ZC3H7A: variants seen among roughly 807,000 people sequenced by gnomAD.
The protein encoded by ZC3H7A is zinc finger CCCH-type containing 7A, also known as zinc finger CCCH domain-containing protein 7A.
ZC3H7A carries 44 observed loss-of-function variants against 125.5 expected under a neutral mutation model. The ratio of observed to expected loss-of-function variants is 0.35; its 90% CI spans 0.28 to 0.45. The LOEUF (loss-of-function observed/expected upper bound fraction) is 0.45. Among genes scored for constraint, ZC3H7A ranks in the 20% least tolerant of loss-of-function variants. The pLI, the probability that ZC3H7A is intolerant of heterozygous loss-of-function variation, is 1.00. For synonymous variants in ZC3H7A, 399 were observed against 391.2 expected (o/e 1.02, Z -0.23); for missense variants, 977 against 1,170.7 (o/e 0.83, Z 2.41).
At chr16:11,759,382 T>C (rs2072498) in intron 19 of ZC3H7A, 29,195 of 152,218 alleles carry the variant, frequency 0.19, 3,399 homozygotes, top group East Asian at 0.45. Flanking sequence ...ATGCTTAGCA[T>C]CTGTCACGTT....
rs967470133 is a variant in ZC3H7A, at chr16:11,774,484, C to A, written c.655G>T (p.Val219Phe). 3 of 1,571,742 alleles carry A rather than the reference C, an allele frequency of 1.9e-6. No homozygotes were observed. The highest frequency in any genetic ancestry group is 1.8e-5 in the Admixed American group (1 of 54,388). ...GAAAAACTGGGTGCCGGTAAAGAGA[C>A]AACAGGAACTGCTTCTTGCCTTGGA... ...LTPRQEAVPV[V>F]SLPAPSFSHE... The change falls in exon 9 of 23, where the codon GTC becomes TTC. Residue 219 changes from valine to phenylalanine, a missense_variant. Around this residue, in one of 3 missense-constraint regions of ZC3H7A, gnomAD observed 342 missense variants for 311.3 expected, o/e 1.10. Coordinates refer to ENST00000355758, the MANE Select transcript of ZC3H7A (RefSeq NM_014153.4).
intron 19 of ZC3H7A, 81 bp downstream of exon 19, chr16:11,761,325 G>C (rs2052749031): frequency 7.5e-7 from 1 of 1,326,546 alleles, no homozygotes; most frequent in Non-Finnish European, 1.1e-6. Flanking sequence ...AAGGGCTTGA[G>C]TTTCAATCTG....
rs369331289 is a variant in ZC3H7A at position 11,771,021 on chromosome 16, T to C, written c.904-34A>G. 6 of 1,574,944 alleles carry C rather than the reference T, an allele frequency of 3.8e-6. No individual in the cohort carries two copies. In the Admixed American group the frequency reaches 1.1e-4, roughly 30 times the overall value. On this transcript the variant is annotated intron_variant, in intron 9 of 22. Coordinates refer to ENST00000355758, the MANE Select transcript of ZC3H7A (RefSeq NM_014153.4). ...GAAAAAAAGATGTGATTAAAATTCA[T>C]GAAGCTGTCATGGGTTTGGCTGAAC...
At chr16:11,783,491 T>G (rs2053205807) in intron 1 of ZC3H7A, among the ~76,000 whole-genome samples, 1 of 152,174 alleles carries the variant, frequency 6.6e-6, no homozygotes, top group Non-Finnish European at 1.5e-5. Context: ...GTCTTGTGAT[T>G]GCAGGACATT....
intron 1 of ZC3H7A, among the ~76,000 whole-genome samples, chr16:11,784,230 T>A (rs141638432): frequency 9.3e-4 from 141 of 152,268 alleles, no homozygotes; most frequent in African/African-American, 3.2e-3. Context: ...AAAATATGGA[T>A]AATGGTTCCA....
intron 1 of ZC3H7A, among the ~76,000 whole-genome samples, chr16:11,790,688 C>A (rs8059377): frequency 0.24 from 36,264 of 151,726 alleles, 5,629 homozygotes; most frequent in African/African-American, 0.44. Context: ...TACAGGCACA[C>A]GCCAAAACGC....
chr16:11,758,671 T>A (rs779084535), intron 19 of ZC3H7A, 132 bp from the exon 20 acceptor site: 15 of 629,888 alleles, frequency 2.4e-5, no homozygotes, highest in Admixed American at 2.2e-4. Context: ...TAAGATTAAT[T>A]TGACTCTACT....
intron 21 of ZC3H7A, among the ~76,000 whole-genome samples, chr16:11,755,946 C>T (rs1203072002): frequency 3.3e-5 from 5 of 152,020 alleles, no homozygotes; most frequent in African/African-American, 4.8e-5. Context: ...AGGCAAATCA[C>T]GAGGTCAGGA....
intron 19 of ZC3H7A, chr16:11,759,410 A>T (rs941695047): frequency 6.6e-6 from 1 of 152,230 alleles, no homozygotes; most frequent in African/African-American, 2.4e-5. Flanking sequence ...GTTTTGGCTA[A>T]AACTCGCTCA....
chr16:11,787,260 G>A (rs1253322313), intron 1 of ZC3H7A, among the ~76,000 whole-genome samples: 6 of 152,054 alleles, frequency 3.9e-5, no homozygotes, highest in African/African-American at 1.2e-4. Context: ...TGCTGACCGC[G>A]CCACTACAAC....
intron 21 of ZC3H7A, among the ~76,000 whole-genome samples, chr16:11,754,247 G>A (rs1328388193): frequency 1.4e-5 from 2 of 140,076 alleles, no homozygotes; most frequent in Admixed American, 7.4e-5. Context: ...AGCCATAACT[G>A]TGCCTCTGTA....
chr16:11,782,530 G>C, intron 1 of ZC3H7A, 142 bp from the exon 2 acceptor site: 1 of 670,076 alleles, frequency 1.5e-6, no homozygotes, highest in Non-Finnish European at 2.6e-6. Flanking sequence ...CTGGACGGCA[G>C]GGACCGTACA....
chr16:11,791,416 G>C (rs1168447664), intron 1 of ZC3H7A, among the ~76,000 whole-genome samples: 1 of 152,034 alleles, frequency 6.6e-6, no homozygotes, highest in East Asian at 1.9e-4. Flanking sequence ...CCACAAGTGG[G>C]CTTAAATAAC....
intron 1 of ZC3H7A, among the ~76,000 whole-genome samples, chr16:11,786,960 A>G (rs2053265579): frequency 6.6e-6 from 1 of 152,198 alleles, no homozygotes; most frequent in African/African-American, 2.4e-5. Context: ...GTAGAGATCA[A>G]TATTTGTTTA....
At chr16:11,776,981 TA>T (rs557374547) in intron 4 of ZC3H7A, 72 bp from the exon 5 acceptor site, 10 of 1,325,144 alleles carry the variant, frequency 7.5e-6, no homozygotes, top group Non-Finnish European at 1.0e-5. Flanking sequence ...CTTCCTGTAA[TA>T]AAAACAAATT....
chr16:11,774,157 A>G, intron 9 of ZC3H7A, 79 bp downstream of exon 9: 3 of 1,358,870 alleles, frequency 2.2e-6, no homozygotes, highest in Non-Finnish European at 2.9e-6. Flanking sequence ...CAATACTGAA[A>G]AAGTCTATCA....
At chr16:11,771,976 C>T (rs1038098205) in intron 9 of ZC3H7A, among the ~76,000 whole-genome samples, 1 of 151,844 alleles carries the variant, frequency 6.6e-6, no homozygotes, top group Admixed American at 6.6e-5. Flanking sequence ...GGGTGGATCA[C>T]GAGGTCAGGT....
chr16:11,774,195 ACT>A (rs761803954), intron 9 of ZC3H7A, 39 bp downstream of exon 9: 6 of 1,464,770 alleles, frequency 4.1e-6, no homozygotes, highest in Non-Finnish European at 5.4e-6. Flanking sequence ...TAAAAAGTTA[ACT>A]CTGTCTTCAG....
intron 1 of ZC3H7A, among the ~76,000 whole-genome samples, chr16:11,783,991 C>CTGGG (rs141778482): frequency 0.3 from 44,350 of 149,290 alleles, 6,733 homozygotes; most frequent in East Asian, 0.49. Context: ...AAGGGGGGGG[C>CTGGG]TGTGAGGTGG....
Sources: gnomAD v4.1 joint callset for allele counts (sites outside exome capture counted in the v4.1 genomes callset) on GRCh38, gnomAD v4.1.1 for gene constraint, gnomAD v4.1.1 regional missense constraint, MANE v1.5 for transcripts, NCBI Gene and HGNC (gene_info 2026-07-23, HGNC 2026-07-21) for gene names.